Variants in PSME3IP1 observed in about 807,000 individuals in gnomAD.
The protein encoded by PSME3IP1 is PSME3-interacting protein.
Under a neutral mutation model 34.1 loss-of-function variants are expected in PSME3IP1, and 13 were observed. The ratio of observed to expected loss-of-function variants is 0.38; its 90% CI spans 0.25 to 0.61. The LOEUF is 0.61. PSME3IP1 is among the 20% of genes least tolerant of loss of function. The pLI is 0.60. For synonymous variants in PSME3IP1, 93 were observed against 114.3 expected, an observed-to-expected ratio of 0.81 and a Z score of 1.19; for missense variants, 237 against 301.4, an observed-to-expected ratio of 0.79 and a Z score of 1.58.
chr16:57,162,693 G>T (rs1002015262), intron 6 of PSME3IP1, among the ~76,000 whole-genome samples: 2 of 150,512 alleles, frequency 1.3e-5, no homozygotes, highest in Non-Finnish European at 3.0e-5. Context: ...AATTGTTGAC[G>T]GTCTTTCCTG....
At chr16:57,162,312 T>C (rs2145567313) in intron 6 of PSME3IP1, among the ~76,000 whole-genome samples, 1 of 152,352 alleles carries the variant, frequency 6.6e-6, no homozygotes, top group Non-Finnish European at 1.5e-5. Flanking sequence ...ATATAATGTC[T>C]GGAATTGTCA....
At chr16:57,163,972 A>T in intron 6 of PSME3IP1, 29 bp downstream of exon 6, 5 of 1,606,910 alleles carry the variant, frequency 3.1e-6, no homozygotes, top group Non-Finnish European at 4.3e-6. Flanking sequence ...TATTCTGAGT[A>T]CAAGGAAGTA....
At chr16:57,178,149 C>A (rs2073365101) in intron 1 of PSME3IP1, among the ~76,000 whole-genome samples, 1 of 152,164 alleles carries the variant, frequency 6.6e-6, no homozygotes, top group Non-Finnish European at 1.5e-5. Flanking sequence ...CTTTATGCAT[C>A]TTTTTTCAAA....
intron 1 of PSME3IP1, among the ~76,000 whole-genome samples, chr16:57,183,002 ACACT>A (rs1329593628): frequency 1.3e-5 from 2 of 152,212 alleles, no homozygotes; most frequent in Admixed American, 6.5e-5. Context: ...TGAGGAACTT[ACACT>A]CATTCAGTAA....
chr16:57,172,826 T>C lies in PSME3IP1; in HGVS notation c.176A>G (p.Gln59Arg). Residue 59 changes from glutamine (Q) to arginine (R), a missense_variant, in exon 3 of 7, where the codon CAG becomes CGG. Physicochemically the swap from Gln to Arg is conservative, Grantham distance 43. Transcript: ENST00000309137. ...CTGCTGCTTCCTGTCCTTCTGTTCC[T>C]GTAGCCTTTCATATAGAGATCGAGG... ...YDPRSLYERL[Q>R]EQKDRKQQEY... The C allele has an allele frequency of 6.2e-7, 1 of 1,613,862 alleles. No homozygotes were observed. Among genetic ancestry groups the C allele is most frequent in the South Asian group, 1.1e-5 (1 of 91,080 alleles).
At position 57,164,020 on chromosome 16, in the gene PSME3IP1, C is replaced by T; in HGVS notation, c.528G>A (p.Glu176=). 6.2e-7 allele frequency: 1 copy of T among 1,614,118 alleles called. No homozygotes were observed. The highest frequency in any genetic ancestry group is 8.5e-7 in the Non-Finnish European group (1 of 1,180,008). Residue 176 remains glutamate (E), a synonymous_variant, in exon 6 of 7, where the codon GAG becomes GAA. Transcript: ENST00000309137. ...NSVKRLKPDP[E]PDDKNQEPSS... is the part of the protein sequence containing the mutation. ...ACCCACCTTGATTCTTGTCATCTGG[C>T]TCAGGGTCCGGTTTCAGTCTTTTCA...
chr16:57,183,307 T>C (rs571410819), intron 1 of PSME3IP1, among the ~76,000 whole-genome samples: 1 of 152,204 alleles, frequency 6.6e-6, no homozygotes, highest in Admixed American at 6.5e-5. Context: ...TCTCCACCTC[T>C]GCACTAAATA....
In PSME3IP1 at chr16:57,154,610, G is replaced by A; in HGVS notation, c.548-103C>T. 1.0e-6 allele frequency: 1 copy of A among 984,128 alleles called. No homozygotes were observed. Among genetic ancestry groups the A allele is most frequent in the Non-Finnish European group, 1.5e-6 (1 of 675,608 alleles). 61.0% of individuals were successfully genotyped at this position (984,128 alleles called of 1,614,324 possible). On this transcript the variant is annotated intron_variant, in intron 6 of 6. Coordinates refer to ENST00000309137, the MANE Select transcript of PSME3IP1 (RefSeq NM_024946.4). The surrounding 1 kb of genome is among the most constrained non-coding windows in gnomAD (Gnocchi z 4.0). The stretch of plus-strand genomic sequence containing the variant: ...TGTACCAAGGGATTTTCCCACAGAG[G>A]AGCCTTAGAACAATGCTATGCAGCC...
intron 1 of PSME3IP1, chr16:57,174,293 C>CAAAAAA: frequency 3.7e-6 from 1 of 268,346 alleles, no homozygotes; most frequent in Admixed American, 8.2e-5. Flanking sequence ...GATTCTGTCT[C>CAAAAAA]AAAAAAAAAA....
chr16:57,170,640 G>A (rs566303643), intron 4 of PSME3IP1, among the ~76,000 whole-genome samples: 1 of 152,318 alleles, frequency 6.6e-6, no homozygotes, highest in African/African-American at 2.4e-5. Flanking sequence ...GCCAGGCACT[G>A]GAGAAATCAG....
chr16:57,175,207 G>C (rs1352412930), intron 1 of PSME3IP1, among the ~76,000 whole-genome samples: 2 of 152,068 alleles, frequency 1.3e-5, no homozygotes, highest in East Asian at 3.9e-4. Flanking sequence ...TAGAGATGGG[G>C]TTTCACTATG....
intron 1 of PSME3IP1, among the ~76,000 whole-genome samples, chr16:57,180,573 T>C (rs577957047): frequency 2.8e-5 from 4 of 144,236 alleles, no homozygotes; most frequent in African/African-American, 7.7e-5. Context: ...GCCTGGGCAA[T>C]AGAGCAAGAC....
Position 57,154,302 on chromosome 16 carries a change from G to A in PSME3IP1, c.753C>T (p.Leu251=), listed in dbSNP as rs748847185. 2.0e-5 allele frequency: 32 copies of A among 1,613,814 alleles called. No homozygotes were observed. The highest frequency in any genetic ancestry group is 5.5e-5 in the South Asian group (5 of 91,058). Residue 251 remains leucine (L), a synonymous_variant, in exon 7 of 7, where the codon CTC becomes CTT. Transcript: ENST00000309137. This position sits in a 1 kb window ranked among gnomAD's most constrained non-coding sequence, Gnocchi z 4.0. ...VSSIFRTNTF[L]EAP Reference sequence around the variant, plus strand: ...AGGGACGGAGAAACTAGGGGGCCTCGAGGAAGGTGTTGGTTCGGAAGATGG... The same window carrying A: ...AGGGACGGAGAAACTAGGGGGCCTCAAGGAAGGTGTTGGTTCGGAAGATGG...
chr16:57,186,007 C>T lies in PSME3IP1; in HGVS notation c.-202G>A. 1 of 985,382 alleles carries T rather than the reference C, an allele frequency of 1.0e-6. No individual in the cohort carries two copies. The highest frequency in any genetic ancestry group is 1.2e-6 in the Non-Finnish European group (1 of 829,932). The allele number at this position is 985,382 out of a possible 1,614,324, so 61.0% of individuals were successfully genotyped here. ...CCTTTGCTTTTGTATTTCTTTTGAC[C>T]CTTCAGGGCTTCCTGTTCCTCACCG... is the stretch of plus-strand genomic sequence containing the variant. On this transcript the variant is annotated 5_prime_UTR_variant, in exon 1 of 7. Coordinates refer to ENST00000309137, the MANE Select transcript of PSME3IP1 (RefSeq NM_024946.4).
At chr16:57,180,584 TC>T (rs2073607465) in intron 1 of PSME3IP1, among the ~76,000 whole-genome samples, 1 of 146,228 alleles carries the variant, frequency 6.8e-6, no homozygotes, top group South Asian at 2.1e-4. Flanking sequence ...AGAGCAAGAC[TC>T]CGTCTCAGAA....
At chr16:57,165,050 A>G (rs866014460) in intron 5 of PSME3IP1, among the ~76,000 whole-genome samples, 1 of 139,484 alleles carries the variant, frequency 7.2e-6, no homozygotes, top group Non-Finnish European at 1.6e-5. Context: ...AAAAAGAAAA[A>G]GAAAAGAAAA....
chr16:57,168,735 A>C (rs141527675), intron 4 of PSME3IP1, among the ~76,000 whole-genome samples: 1,713 of 144,158 alleles, frequency 0.012, 29 homozygotes, highest in African/African-American at 0.041. Context: ...CCCGGGAGGC[A>C]GAGATTGTGG....
intron 5 of PSME3IP1, among the ~76,000 whole-genome samples, chr16:57,164,985 A>G (rs1296737034): frequency 3.3e-5 from 5 of 151,412 alleles, no homozygotes; most frequent in African/African-American, 4.9e-5. Context: ...AGATTGCGCC[A>G]TTGCACTCCA....
At position 57,173,850 on chromosome 16, in the gene PSME3IP1, T is replaced by A. The variant is rs764383917; in HGVS notation, c.5A>T (p.Asp2Val). Residue 2 changes from aspartate (D) to valine (V), a missense_variant, in exon 2 of 7, where the codon GAT becomes GTT. Physicochemically the swap from Asp to Val is radical, Grantham distance 152 (BLOSUM62 -3). Coordinates refer to ENST00000309137, the MANE Select transcript of PSME3IP1 (RefSeq NM_024946.4). ...AATAAGGTTACCATCATCCCCTCCA[T>A]CCATAATGAAACAACCAATCTACAA... MDGGDDGNLIIK... is the reference protein window; with the variant it reads MVGGDDGNLIIK... 21 of 1,612,716 alleles carry A rather than the reference T, an allele frequency of 1.3e-5. No individual in the cohort carries two copies. The highest frequency in any genetic ancestry group is 1.8e-5 in the Non-Finnish European group (21 of 1,179,644).
Sources: allele counts gnomAD v4.1 joint callset (sites outside exome capture counted in the v4.1 genomes callset), GRCh38; gene constraint gnomAD v4.1.1; non-coding constraint Gnocchi (gnomAD v3.1); transcripts MANE v1.5; gene names NCBI Gene and HGNC (gene_info 2026-07-23, HGNC 2026-07-21).